SERINC5: variants seen among roughly 807,000 people sequenced by gnomAD.
SERINC5 encodes serine incorporator 5, also known as chromosome 5 open reading frame 12.
In SERINC5, 41 loss-of-function variants were observed where a neutral mutation model predicts 63.1. The observed-to-expected ratio is 0.65, with a 90% CI of 0.51 to 0.84. SERINC5 has a LOEUF of 0.84. SERINC5 is among the 40% of genes least tolerant of loss of function. The pLI is 0.00. For missense variants in SERINC5, 523 were observed against 573.0 expected (o/e 0.91, Z 0.89); for synonymous variants, 222 against 215.2 (o/e 1.03, Z -0.28).
rs1491542931 is a variant in SERINC5 at position 80,177,979 on chromosome 5, ACT to A, written c.279_280del (p.Arg93SerfsTer26). The A allele has an allele frequency of 6.2e-7, 1 of 1,612,668 alleles. No homozygotes were observed. Among genetic ancestry groups the A allele is most frequent in the Non-Finnish European group, 8.5e-7 (1 of 1,179,266 alleles). ...GAAGAAACAAGCCATTCCAAAACAG[ACT>A]CTATACACGGCAGAATATCCCACCA... On this transcript the variant is annotated frameshift_variant, in exon 3 of 12. Coordinates refer to ENST00000507668, the MANE Select transcript of SERINC5 (RefSeq NM_001174072.3). LOFTEE classifies it high-confidence loss of function.
At chr5:80,183,289 G>A (rs1748574580) in intron 2 of SERINC5, among the ~76,000 whole-genome samples, 1 of 152,144 alleles carries the variant, frequency 6.6e-6, no homozygotes, top group South Asian at 2.1e-4. Flanking sequence ...GCCGTTTGGG[G>A]TGGAGGGAGG....
intron 8 of SERINC5, chr5:80,157,644 C>T (rs1314809377): frequency 6.6e-6 from 1 of 152,222 alleles, no homozygotes; most frequent in East Asian, 1.9e-4. Context: ...GCGTGAGCCA[C>T]TGCACCACGC....
At chr5:80,253,649 C>T (rs1000316402) in intron 1 of SERINC5, among the ~76,000 whole-genome samples, 1 of 152,184 alleles carries the variant, frequency 6.6e-6, no homozygotes, top group African/African-American at 2.4e-5. Context: ...CCTTGCCTCT[C>T]CTCACTGAGC....
In SERINC5 at chr5:80,140,695, T is replaced by A. The variant is rs1257737505; in HGVS notation, c.*2968A>T. The A allele has an allele frequency of 1.0e-6, 1 of 985,154 alleles. No homozygotes were observed. Among genetic ancestry groups the A allele is most frequent in the Non-Finnish European group, 1.2e-6 (1 of 829,902 alleles). The allele number at this position is 985,154 out of a possible 1,614,324, so 61.0% of individuals were successfully genotyped here. A position where few individuals can be genotyped will look rare whatever the true frequency, so the allele number is the denominator to read the frequency against. ...GTCTCTAGTCTCCAGTCAGGTAACA[T>A]GCCGCGGTATGACACTCCCATAAGA... On this transcript the variant is annotated 3_prime_UTR_variant, in exon 12 of 12. Transcript: ENST00000507668.
intron 5 of SERINC5, among the ~76,000 whole-genome samples, chr5:80,174,093 C>T (rs907772998): frequency 2.0e-5 from 3 of 151,876 alleles, no homozygotes; most frequent in Non-Finnish European, 4.4e-5. Context: ...GCACTGAAGC[C>T]GAACACAATG....
chr5:80,174,793 G>C (rs1160753122), intron 5 of SERINC5, among the ~76,000 whole-genome samples, 161 bp downstream of exon 5: 1 of 152,154 alleles, frequency 6.6e-6, no homozygotes, highest in Admixed American at 6.5e-5. Context: ...GGGTCAAAAA[G>C]TGAGAAGTGA....
At chr5:80,166,727 C>G (rs984874375) in intron 6 of SERINC5, 23 of 345,200 alleles carry the variant, frequency 6.7e-5, no homozygotes, top group Middle Eastern at 9.5e-4. Flanking sequence ...TCTACCAATA[C>G]TTTATCAAGC....
chr5:80,181,329 C>A (rs138660050), intron 2 of SERINC5, among the ~76,000 whole-genome samples: 1,969 of 152,198 alleles, frequency 0.013, 36 homozygotes, highest in African/African-American at 0.045. Context: ...TCACTGCAAC[C>A]GTCGCCTCCA....
intron 11 of SERINC5, among the ~76,000 whole-genome samples, chr5:80,133,652 A>G (rs1018545086): frequency 5.3e-5 from 8 of 152,368 alleles, no homozygotes; most frequent in Non-Finnish European, 1.0e-4. Flanking sequence ...CAAATCTAAG[A>G]TGCTGTAACC....
intron 1 of SERINC5, among the ~76,000 whole-genome samples, chr5:80,206,237 C>T (rs185479194): frequency 1.3e-5 from 2 of 152,300 alleles, no homozygotes; most frequent in Admixed American, 1.3e-4. Flanking sequence ...AAGTTTGAGA[C>T]TCTGCAAGGC....
At chr5:80,221,792 CAAA>C (rs34503587) in intron 1 of SERINC5, among the ~76,000 whole-genome samples, 1 of 137,290 alleles carries the variant, frequency 7.3e-6, no homozygotes, top group Non-Finnish European at 1.6e-5. Context: ...ACAACTTTAG[CAAA>C]AAAAAAAAAA....
Position 80,177,400 on chromosome 5 carries a change from A to G in SERINC5, c.375-3T>C, listed in dbSNP as rs376422402. On this transcript the variant is annotated splice_polypyrimidine_tract_variant and splice_region_variant and intron_variant, in intron 3 of 11. Transcript: ENST00000507668. ...GCAGAAGTTTAAAGAACCAAAAGCT[A>G]GAAGTGGGGGGAAAAAAAAGAGGAA... 3.2e-5 allele frequency: 52 copies of G among 1,611,224 alleles called. No individual in the cohort carries two copies. The highest frequency in any genetic ancestry group is 4.0e-5 in the Non-Finnish European group (47 of 1,177,856).
chr5:80,219,598 A>G (rs1326054882), intron 1 of SERINC5, among the ~76,000 whole-genome samples: 1 of 152,118 alleles, frequency 6.6e-6, no homozygotes, highest in East Asian at 1.9e-4. Context: ...CCTCATTCCA[A>G]GGCAAGCTGG....
In SERINC5 at chr5:80,142,047, C is replaced by T; in HGVS notation, c.*1616G>A. 16 of 985,354 alleles carry T rather than the reference C, an allele frequency of 1.6e-5. No homozygotes were observed. The highest frequency in any genetic ancestry group is 1.9e-5 in the Non-Finnish European group (16 of 829,932). The allele number at this position is 985,354 out of a possible 1,614,324, so 61.0% of individuals were successfully genotyped here. On this transcript the variant is annotated 3_prime_UTR_variant, in exon 12 of 12. Coordinates refer to ENST00000507668, the MANE Select transcript of SERINC5 (RefSeq NM_001174072.3). ...CAGCTTAGGTGGCACTCAATTCTGC[C>T]CAACTCATACAGTAGGGCACAGAAA... is the stretch of plus-strand genomic sequence containing the variant.
At chr5:80,219,513 T>C (rs988386381) in intron 1 of SERINC5, among the ~76,000 whole-genome samples, 2 of 152,138 alleles carry the variant, frequency 1.3e-5, no homozygotes, top group South Asian at 4.1e-4. Flanking sequence ...CCGCTGTTCA[T>C]TGCCTTTTCA....
chr5:80,121,198 T>C (rs1214008433), intron 11 of SERINC5, among the ~76,000 whole-genome samples: 3 of 152,028 alleles, frequency 2.0e-5, no homozygotes, highest in Non-Finnish European at 4.4e-5. Context: ...AGAAAGGAGT[T>C]TGTTTGTTTG....
Position 80,126,236 on chromosome 5 carries a change from G to C in SERINC5, c.1239-12611C>G, listed in dbSNP as rs78552390. 8.4e-3 allele frequency among the ~76,000 whole-genome samples: 1,278 copies of C among 152,300 alleles called. 16 individuals carry two copies. Among genetic ancestry groups the C allele is most frequent in the African/African-American group, 0.029 (1,201 of 41,572 alleles). ...ACAGATCCAATTTGGATTATAAAAA[G>C]CTGGTTCATCAGGAAGGCCACTATA... On this transcript the variant is annotated intron_variant, in intron 11 of 12. Transcript: ENST00000509193.
At chr5:80,238,992 G>A (rs1159445699) in intron 1 of SERINC5, among the ~76,000 whole-genome samples, 1 of 152,144 alleles carries the variant, frequency 6.6e-6, no homozygotes, top group Non-Finnish European at 1.5e-5. Context: ...AAATAGCAAA[G>A]GCTAGGAGAG....
In SERINC5 at chr5:80,156,317, C is replaced by T. The variant is rs114956837; in HGVS notation, c.986+2519G>A. 2.2e-3 allele frequency among the ~76,000 whole-genome samples: 338 copies of T among 152,240 alleles called. 2 individuals are homozygous for T. The highest frequency in any genetic ancestry group is 7.9e-3 in the African/African-American group (328 of 41,528). ...AAGGAAAACAAACTCTTCAGAAGTCCAGATCTGAAAAAACCCTAGTTGGGC... is the reference window on the plus strand; with the variant it reads ...AAGGAAAACAAACTCTTCAGAAGTCTAGATCTGAAAAAACCCTAGTTGGGC... On this transcript the variant is annotated intron_variant, in intron 8 of 11. Transcript: ENST00000507668.
Sources: gnomAD v4.1 joint callset for allele counts (sites outside exome capture counted in the v4.1 genomes callset) on GRCh38, gnomAD v4.1.1 for gene constraint, MANE v1.5 for transcripts, NCBI Gene and HGNC (gene_info 2026-07-23, HGNC 2026-07-21) for gene names.